SCFD1: variants seen among roughly 807,000 people sequenced by gnomAD.
The protein encoded by SCFD1 is sec1 family domain-containing protein 1.
SCFD1 carries 37 observed loss-of-function variants against 103.2 expected under a neutral mutation model. That is an observed-to-expected ratio of 0.36 (90% confidence interval 0.28 to 0.47). The LOEUF is 0.47. Ranked by LOEUF, SCFD1 falls within the 20% of genes least tolerant of loss-of-function variation. The pLI, the probability that SCFD1 is intolerant of heterozygous loss-of-function variation, is 1.00. For missense variants in SCFD1, 639 were observed against 761.2 expected (o/e 0.84, Z 1.89); for synonymous variants, 264 against 245.0 (o/e 1.08, Z -0.73).
intron 23 of SCFD1, among the ~76,000 whole-genome samples, chr14:30,728,857 C>T (rs12885375): frequency 0.74 from 97,922 of 133,088 alleles, 34,489 homozygotes; most frequent in East Asian, 0.89. Flanking sequence ...TTTTTTTTTT[C>T]CCCCCGAGAC....
intron 17 of SCFD1, among the ~76,000 whole-genome samples, chr14:30,705,016 TA>T (rs1891372066): frequency 6.6e-6 from 1 of 152,204 alleles, no homozygotes; most frequent in Admixed American, 6.5e-5. Flanking sequence ...AGAATAAAAA[TA>T]TTTTTTAAGG....
chr14:30,727,163 C>T (rs945574133), intron 23 of SCFD1, among the ~76,000 whole-genome samples: 4 of 152,100 alleles, frequency 2.6e-5, no homozygotes, highest in African/African-American at 4.8e-5. Context: ...TAGTGCCTTC[C>T]GCCCACAGAA....
chr14:30,735,008 G>T, intron 24 of SCFD1, 150 bp downstream of exon 24: 1 of 590,744 alleles, frequency 1.7e-6, no homozygotes, highest in East Asian at 2.8e-5. Context: ...TTTCATGGAC[G>T]ACTAAGAAAA....
At chr14:30,649,250 T>A (rs1886167069) in intron 7 of SCFD1, among the ~76,000 whole-genome samples, 1 of 152,096 alleles carries the variant, frequency 6.6e-6, no homozygotes, top group East Asian at 1.9e-4. Context: ...AATTACCTTT[T>A]GAGTACAGTG....
chr14:30,694,328 GT>G (rs1890534814), intron 14 of SCFD1, among the ~76,000 whole-genome samples: 1 of 151,998 alleles, frequency 6.6e-6, no homozygotes. Flanking sequence ...TAATCTGTTG[GT>G]TTTTTTCTAT....
At chr14:30,720,078 C>G (rs973553545) in intron 21 of SCFD1, among the ~76,000 whole-genome samples, 2 of 152,116 alleles carry the variant, frequency 1.3e-5, no homozygotes, top group African/African-American at 4.8e-5. Flanking sequence ...ATCTTCAGAA[C>G]TTTACATTTG....
At position 30,628,239 on chromosome 14, in the gene SCFD1, T is replaced by C; in HGVS notation, c.92T>C (p.Val31Ala). Residue 31 changes from valine to alanine, a missense_variant, in exon 2 of 25, where the codon GTG (valine) becomes GCG (alanine). Val to Ala is a moderately conservative substitution (Grantham distance 64). Coordinates refer to ENST00000458591, the MANE Select transcript of SCFD1 (RefSeq NM_016106.4). ...TTGAAGCGTATGTTGAATTTCAATG[T>C]GCCTCATATTAAAAACAGCACAGGA... is the stretch of plus-strand genomic sequence containing the variant. ...VALKRMLNFN[V>A]PHIKNSTGEP... 1 of 1,612,220 alleles carries C rather than the reference T, an allele frequency of 6.2e-7. No individual in the cohort carries two copies.
At chr14:30,673,395 T>C in intron 12 of SCFD1, 48 bp downstream of exon 12, 1 of 1,006,692 alleles carries the variant, frequency 9.9e-7, no homozygotes, top group Non-Finnish European at 1.5e-6. Flanking sequence ...AGGAGGATTA[T>C]CTGTTAGATA....
intron 7 of SCFD1, among the ~76,000 whole-genome samples, chr14:30,644,991 T>C (rs190350591): frequency 1.4e-3 from 214 of 152,206 alleles, no homozygotes; most frequent in African/African-American, 4.9e-3. Flanking sequence ...TTTAATCCAT[T>C]TTGAGTTTAT....
intron 10 of SCFD1, among the ~76,000 whole-genome samples, chr14:30,654,811 A>G (rs187137913): frequency 1.3e-5 from 2 of 152,324 alleles, no homozygotes; most frequent in East Asian, 3.9e-4. Context: ...CCATTCTTCT[A>G]TGCCATGACT....
In SCFD1 at chr14:30,674,520, C is replaced by T. The variant is rs965982340; in HGVS notation, c.1161-464C>T. Among the ~76,000 whole-genome samples, 9 of 151,938 alleles carry T rather than the reference C, an allele frequency of 5.9e-5. 1 individual carries two copies. Among genetic ancestry groups the T allele is most frequent in the Admixed American group, 1.3e-4 (2 of 15,260 alleles). On this transcript the variant is annotated intron_variant, in intron 13 of 24. Transcript: ENST00000458591. ...TAAATTAGCTGAGAGTGGTGGTGCA[C>T]GCCTGTAGTCCCAGCTACTTGGGAG... is the stretch of plus-strand genomic sequence containing the variant.
At chr14:30,630,640 G>C in intron 3 of SCFD1, 75 bp downstream of exon 3, 2 of 889,272 alleles carry the variant, frequency 2.2e-6, no homozygotes, top group South Asian at 1.4e-5. Context: ...TTAGGTTACA[G>C]TATTTATGTA....
chr14:30,656,370 T>C (rs985316859), intron 10 of SCFD1, among the ~76,000 whole-genome samples: 4 of 152,124 alleles, frequency 2.6e-5, no homozygotes, highest in Admixed American at 2.6e-4. Flanking sequence ...CAGGTGGCAT[T>C]AGTGAGCACT....
rs561946702 is a variant in SCFD1 at position 30,632,936 on chromosome 14, G to A, written c.222-1011G>A. 3.4e-4 allele frequency among the ~76,000 whole-genome samples: 52 copies of A among 152,298 alleles called. 1 individual carries two copies. In the South Asian group the frequency reaches 0.01, roughly 30 times the overall value. ...AACTTGCTACTTGCCACCAGAGCAT[G>A]GAAATATTACACAGCTACCATGGTG... is the stretch of plus-strand genomic sequence containing the variant. On this transcript the variant is annotated intron_variant, in intron 3 of 24. Coordinates refer to ENST00000458591, the MANE Select transcript of SCFD1 (RefSeq NM_016106.4).
intron 21 of SCFD1, among the ~76,000 whole-genome samples, chr14:30,719,693 T>C (rs1008653139): frequency 1.3e-5 from 2 of 152,152 alleles, no homozygotes; most frequent in African/African-American, 4.8e-5. Flanking sequence ...AATATTCTTA[T>C]TGGACCAATT....
At chr14:30,692,329 A>T (rs1185344653) in intron 14 of SCFD1, among the ~76,000 whole-genome samples, 1 of 152,170 alleles carries the variant, frequency 6.6e-6, no homozygotes, top group African/African-American at 2.4e-5. Context: ...AGACACATAA[A>T]CAAAGGACAG....
chr14:30,705,717 T>C (rs1259955881), intron 17 of SCFD1, 106 bp from the exon 18 acceptor site: 7 of 779,372 alleles, frequency 9.0e-6, no homozygotes, highest in Middle Eastern at 2.3e-4. Flanking sequence ...TTTCAGAAAA[T>C]GTCTGCATCA....
At chr14:30,624,052 A>C (rs931831432) in intron 1 of SCFD1, among the ~76,000 whole-genome samples, 1 of 152,180 alleles carries the variant, frequency 6.6e-6, no homozygotes, top group Non-Finnish European at 1.5e-5. Context: ...GGAAAGTAAG[A>C]TAGAGGTAAA....
At chr14:30,629,043 G>T (rs768864406) in intron 2 of SCFD1, among the ~76,000 whole-genome samples, 3 of 152,066 alleles carry the variant, frequency 2.0e-5, no homozygotes, top group Non-Finnish European at 4.4e-5. Context: ...TCTCCTTCTT[G>T]TTCCTTTGTG....
Sources: gnomAD v4.1 joint callset for allele counts (sites outside exome capture counted in the v4.1 genomes callset) on GRCh38, gnomAD v4.1.1 for gene constraint, MANE v1.5 for transcripts, NCBI Gene and HGNC (gene_info 2026-07-23, HGNC 2026-07-21) for gene names.